The following FADS6 variants were observed in gnomAD, a reference collection of about 807,000 sequenced individuals.
The protein encoded by FADS6 is fatty acid desaturase 6, also known as fatty acid desaturase domain family, member 6.
Under a neutral mutation model 31.7 loss-of-function variants are expected in FADS6, and 28 were observed. That is an observed-to-expected ratio of 0.88 (90% CI 0.66 to 1.21). The LOEUF is 1.21. Among genes scored for constraint, FADS6 ranks in the 50% most tolerant of loss-of-function variants. The pLI, the probability that FADS6 is intolerant of heterozygous loss-of-function variation, is 0.00. For missense variants in FADS6, 494 were observed against 504.2 expected, an observed-to-expected ratio of 0.98 and a Z score of 0.19; for synonymous variants, 191 against 213.1, an observed-to-expected ratio of 0.90 and a Z score of 0.90.
chr17:74,875,122 G>C (rs768003483), downstream of FADS6, among the ~76,000 whole-genome samples: 2 of 152,192 alleles, frequency 1.3e-5, no homozygotes, highest in Non-Finnish European at 2.9e-5. Context: ...ATGGATTCTA[G>C]AGTCAGACAA....
At chr17:74,876,857 GCCT>G (rs569199044), downstream of FADS6, among the ~76,000 whole-genome samples, 1 of 151,886 alleles carries the variant, frequency 6.6e-6, no homozygotes, top group Non-Finnish European at 1.5e-5. Flanking sequence ...AATGGGTCTG[GCCT>G]CCTTCTCTGT....
chr17:74,880,732 T>C (rs911447465), intron 4 of FADS6, among the ~76,000 whole-genome samples: 2 of 152,142 alleles, frequency 1.3e-5, no homozygotes, highest in African/African-American at 4.8e-5. Flanking sequence ...ACAACTGCTG[T>C]TAATTACTTA....
intron 4 of FADS6, among the ~76,000 whole-genome samples, chr17:74,880,205 A>G (rs2038553083): frequency 6.6e-6 from 1 of 151,944 alleles, no homozygotes; most frequent in Non-Finnish European, 1.5e-5. Context: ...CTGAATGCTG[A>G]GCCCTGGCCT....
Position 74,882,675 on chromosome 17 carries a change from A to T in FADS6, c.447T>A (p.His149Gln). ...CTAFTAEHAT[H>Q]GHVKMHHAYT... The stretch of plus-strand genomic sequence containing the variant: ...AGGCATGGTGCATCTTGACGTGCCC[A>T]TGCGTGGCGTGCTCTGCAGTGAAGG... The change falls in exon 3 of 6, where the codon CAT (histidine) becomes CAA (glutamine). Residue 149 changes from histidine to glutamine, a missense_variant. By Grantham distance (24) the His-to-Gln change is conservative. Around this residue, in one of 2 missense-constraint regions of FADS6, gnomAD observed 454 missense variants for 438.5 expected, o/e 1.04. Coordinates refer to ENST00000612771, the MANE Select transcript of FADS6 (RefSeq NM_178128.6). 6.2e-7 allele frequency: 1 copy of T among 1,611,402 alleles called. No homozygotes were observed. The highest frequency in any genetic ancestry group is 8.5e-7 in the Non-Finnish European group (1 of 1,179,078).
chr17:74,883,205 G>A (rs2038591767), intron 2 of FADS6, among the ~76,000 whole-genome samples: 1 of 152,338 alleles, frequency 6.6e-6, no homozygotes, highest in East Asian at 1.9e-4. Flanking sequence ...ACAAGGTGGG[G>A]GCGGTGCCCT....
At position 74,877,870 on chromosome 17, in the gene FADS6, G is replaced by A; in HGVS notation, c.*461C>T. 1 of 987,838 alleles carries A rather than the reference G, an allele frequency of 1.0e-6. No homozygotes were observed. Among genetic ancestry groups the A allele is most frequent in the South Asian group, 4.7e-5 (1 of 21,422 alleles). The allele number at this position is 987,838 out of a possible 1,614,324, so 61.2% of individuals were successfully genotyped here. ...GCACCTTGGTGGGCAGAGCCTGAAG[G>A]AAGCAATAGCCAAGGCCGTGTGGGG... On this transcript the variant is annotated 3_prime_UTR_variant, in exon 6 of 6. Coordinates refer to ENST00000612771, the MANE Select transcript of FADS6 (RefSeq NM_178128.6).
downstream of FADS6, among the ~76,000 whole-genome samples, chr17:74,876,595 G>A (rs533389065): frequency 1.3e-5 from 2 of 152,174 alleles, no homozygotes; most frequent in Non-Finnish European, 2.9e-5. Context: ...TCAGGAGTTC[G>A]AGACCAGCTT....
intron 1 of FADS6, among the ~76,000 whole-genome samples, 186 bp from the exon 2 acceptor site, chr17:74,892,875 G>T (rs2038706900): frequency 6.6e-6 from 1 of 152,152 alleles, no homozygotes; most frequent in African/African-American, 2.4e-5. Context: ...CAGCGGTCCT[G>T]ACTCTCCCGT....
At chr17:74,893,238 C>T in intron 1 of FADS6, 114 bp downstream of exon 1, 1 of 1,207,612 alleles carries the variant, frequency 8.3e-7, no homozygotes, top group Non-Finnish European at 1.1e-6. Context: ...GCCGCCAGTC[C>T]ACTCCGCAGG....
chr17:74,876,117 C>T (rs1460643475), downstream of FADS6, among the ~76,000 whole-genome samples: 1 of 152,118 alleles, frequency 6.6e-6, no homozygotes, highest in Admixed American at 6.5e-5. Context: ...GGAGAGTGCA[C>T]ATAAAAGAAC....
In FADS6 at chr17:74,877,960, A is replaced by C; in HGVS notation, c.*371T>G. 2.0e-6 allele frequency: 2 copies of C among 1,007,564 alleles called. No homozygotes were observed. Among genetic ancestry groups the C allele is most frequent in the African/African-American group, 1.7e-5 (1 of 57,922 alleles). 62.4% of individuals were successfully genotyped at this position (1,007,564 alleles called of 1,614,324 possible). ...CCCTGTTCTCTCTGTGCCCCCTGCT[A>C]TCTCCCAGGTGGCCCCTGCACAGGA... On this transcript the variant is annotated 3_prime_UTR_variant, in exon 6 of 6. Transcript: ENST00000612771.
intron 2 of FADS6, among the ~76,000 whole-genome samples, chr17:74,891,237 CACGT>C (rs1314403618): frequency 6.6e-6 from 1 of 151,476 alleles, no homozygotes; most frequent in Non-Finnish European, 1.5e-5. Flanking sequence ...CAGGTTTCAC[CACGT>C]TGGTCATGCT....
At chr17:74,888,144 A>ACGCGCGCG (rs756023723) in intron 2 of FADS6, among the ~76,000 whole-genome samples, 26 of 113,842 alleles carry the variant, frequency 2.3e-4, no homozygotes, top group African/African-American at 6.9e-4. Flanking sequence ...ACACACACAC[A>ACGCGCGCG]CACACACACA....
chr17:74,887,876 C>T lies in FADS6; in HGVS notation c.411+4647G>A, dbSNP rs1201030610. Among the ~76,000 whole-genome samples the T allele has an allele frequency of 7.2e-5, 11 of 152,048 alleles. No individual in the cohort carries two copies. In the East Asian group the frequency reaches 9.7e-4, roughly 13 times the overall value. ...ACCTTTTTTCATATTTTAGTACAGA[C>T]GGGGTTTCACCATGTTGGCCAGGAT... is the stretch of plus-strand genomic sequence containing the variant. On this transcript the variant is annotated intron_variant, in intron 2 of 5. Coordinates refer to ENST00000612771, the MANE Select transcript of FADS6 (RefSeq NM_178128.6).
rs59381032 is a variant in FADS6, at chr17:74,889,870, C to CAA, written c.411+2651_411+2652dup. 9.6e-3 allele frequency among the ~76,000 whole-genome samples: 515 copies of CAA among 53,408 alleles called. 88 individuals carry two copies. Among genetic ancestry groups the CAA allele is most frequent in the East Asian group, 0.033 (39 of 1,180 alleles). The allele number at this position is 53,408 out of a possible 152,430, so 35.0% of individuals were successfully genotyped here. ...TGGGCAACAGAGTGAGACTCAGTCT[C>CAA]AAAAAAAAAAAAAAAAAAAAAAAAA... On this transcript the variant is annotated intron_variant, in intron 2 of 5. Transcript: ENST00000612771.
At chr17:74,874,977 A>G (rs930247088), downstream of FADS6, among the ~76,000 whole-genome samples, 3 of 152,162 alleles carry the variant, frequency 2.0e-5, no homozygotes, top group Admixed American at 6.5e-5. Context: ...TATAAGCTCC[A>G]TGAGGATGGG....
At position 74,877,569 on chromosome 17, in the gene FADS6, G is replaced by T; in HGVS notation, c.*762C>A. The stretch of plus-strand genomic sequence containing the variant: ...AGGGTGGTCTCGAGCTCCTGATCTC[G>T]CGATCCACCCGCCTTGGCCTCCCAA... On this transcript the variant is annotated 3_prime_UTR_variant, in exon 6 of 6. Coordinates refer to ENST00000612771, the MANE Select transcript of FADS6 (RefSeq NM_178128.6). 4.2e-6 allele frequency: 2 copies of T among 472,784 alleles called. No homozygotes were observed. The highest frequency in any genetic ancestry group is 5.5e-6 in the Non-Finnish European group (2 of 361,948). The allele number at this position is 472,784 out of a possible 1,614,324, so 29.3% of individuals were successfully genotyped here.
chr17:74,876,080 G>A (rs917526036), downstream of FADS6, among the ~76,000 whole-genome samples: 15 of 152,174 alleles, frequency 9.9e-5, no homozygotes, highest in Non-Finnish European at 1.3e-4. Context: ...GCGGTCTTTG[G>A]TAAAGGAAGG....
intron 2 of FADS6, among the ~76,000 whole-genome samples, chr17:74,883,059 T>G (rs554132076): frequency 1.4e-3 from 217 of 152,244 alleles, no homozygotes; most frequent in Non-Finnish European, 2.5e-3. Flanking sequence ...CGGCATCCAA[T>G]GCAATGATTT....
Sources: allele counts gnomAD v4.1 joint callset (sites outside exome capture counted in the v4.1 genomes callset), GRCh38; gene constraint gnomAD v4.1.1; regional missense constraint gnomAD v4.1.1; transcripts MANE v1.5; gene names NCBI Gene and HGNC (gene_info 2026-07-23, HGNC 2026-07-21).